SLC6A12: variants seen among roughly 807,000 people sequenced by gnomAD.
The protein encoded by SLC6A12 is sodium- and chloride-dependent betaine transporter.
A neutral mutation model predicts 73.3 loss-of-function variants in SLC6A12; 50 were observed. The observed-to-expected ratio is 0.68, with a 90% CI of 0.54 to 0.86. The LOEUF (loss-of-function observed/expected upper bound fraction) is 0.86, where lower values mean the gene tolerates loss of function less well. Among genes scored for constraint, SLC6A12 ranks in the 40% least tolerant of loss-of-function variants. SLC6A12 has a pLI of 0.00. For synonymous variants in SLC6A12, 304 were observed against 309.2 expected (o/e 0.98, Z 0.18); for missense variants, 648 against 772.8 (o/e 0.84, Z 1.92).
chr12:197,162 CAT>C (rs1565469103), intron 10 of SLC6A12, among the ~76,000 whole-genome samples: 1 of 4,520 alleles, frequency 2.2e-4, no homozygotes. Flanking sequence ...TCCATCCATC[CAT>C]CCATCCATCC....
chr12:202,757 T>C lies in SLC6A12; in HGVS notation c.473A>G (p.Asn158Ser), dbSNP rs996653152. 2 of 1,613,624 alleles carry C rather than the reference T, an allele frequency of 1.2e-6. No individual in the cohort carries two copies. Among genetic ancestry groups the C allele is most frequent in the Non-Finnish European group, 1.7e-6 (2 of 1,179,778 alleles). Residue 158 changes from asparagine to serine, a missense_variant, in exon 5 of 16, where the codon AAC becomes AGC. By Grantham distance (46) the Asn-to-Ser change is conservative. Transcript: ENST00000684302. ...FTSELPWTTC[N>S]NFWNTEHCTD... is the part of the protein sequence containing the mutation. ...ATGGATACCTGTGTTCCAAAAGTTG[T>C]TGCAGGTCGTCCAGGGCAGCTCAGA...
chr12:199,143 G>A, intron 7 of SLC6A12: 1 of 323,800 alleles, frequency 3.1e-6, no homozygotes, highest in Non-Finnish European at 6.1e-6. Context: ...TCAGCAGGGG[G>A]AGGGTGGGGA....
At chr12:205,683 A>C (rs1333089434) in intron 3 of SLC6A12, among the ~76,000 whole-genome samples, 1 of 152,264 alleles carries the variant, frequency 6.6e-6, no homozygotes, top group African/African-American at 2.4e-5. Flanking sequence ...AGAGGGAAAG[A>C]AAGGAAAAAT....
chr12:201,866 T>C lies in SLC6A12; in HGVS notation c.491-17A>G, dbSNP rs1356284620. On this transcript the variant is annotated splice_polypyrimidine_tract_variant and intron_variant, in intron 5 of 15. Coordinates refer to ENST00000684302, the MANE Select transcript of SLC6A12 (RefSeq NM_001122848.3). ...TGCAATGCTCTGTTGGGGACAAGGT[T>C]AGGGACAAGATGGAGAGAGATGCTC... The C allele has an allele frequency of 6.2e-7, 1 of 1,608,718 alleles. No homozygotes were observed. The highest frequency in any genetic ancestry group is 1.3e-5 in the African/African-American group (1 of 74,792).
At position 198,033 on chromosome 12, in the gene SLC6A12, G is replaced by A. The variant is rs768076082; in HGVS notation, c.847-30C>T. 15 of 1,590,604 alleles carry A rather than the reference G, an allele frequency of 9.4e-6. No homozygotes were observed. In the Admixed American group the frequency reaches 1.3e-4, roughly 14 times the overall value. ...ACAAAACCCCAAGAAAGAGGTAGAGGCAGCCCCCAGGGCCCAGAGCCAGGG... is the reference window on the plus strand; with the variant it reads ...ACAAAACCCCAAGAAAGAGGTAGAGACAGCCCCCAGGGCCCAGAGCCAGGG... On this transcript the variant is annotated intron_variant, in intron 8 of 15. Transcript: ENST00000684302. The surrounding 1 kb of genome is among the most constrained non-coding windows in gnomAD (Gnocchi z 4.0).
In SLC6A12 at chr12:198,152, G is replaced by C. The variant is rs1371081777; in HGVS notation, c.847-149C>G. 1 of 638,500 alleles carries C rather than the reference G, an allele frequency of 1.6e-6. No individual in the cohort carries two copies. Among genetic ancestry groups the C allele is most frequent in the Non-Finnish European group, 2.8e-6 (1 of 360,362 alleles). 39.6% of individuals were successfully genotyped at this position (638,500 alleles called of 1,614,324 possible). On this transcript the variant is annotated intron_variant, in intron 8 of 15. Coordinates refer to ENST00000684302, the MANE Select transcript of SLC6A12 (RefSeq NM_001122848.3). The surrounding 1 kb of genome is among the most constrained non-coding windows in gnomAD (Gnocchi z 4.0). ...TCCTGCATCCCAACTCTCCGTGAGT[G>C]CGCCCTCCGGTCTCCACGGTGATCT...
chr12:209,866 T>C lies in SLC6A12; in HGVS notation c.121A>G (p.Asn41Asp). The change falls in exon 3 of 16, where the codon AAC becomes GAC. Residue 41 changes from asparagine (N) to aspartate (D), a missense_variant. Asn to Asp is a conservative substitution (Grantham distance 23, BLOSUM62 1). Coordinates refer to ENST00000684302, the MANE Select transcript of SLC6A12 (RefSeq NM_001122848.3). ...ACTGACAGCACAAACTCCATCTTGT[T>C]GGTCCATTGGCCCCGATCCTTCACC... is the stretch of plus-strand genomic sequence containing the variant. ...DQVKDRGQWT[N>D]KMEFVLSVAG... is the part of the protein sequence containing the mutation. The C allele has an allele frequency of 6.2e-7, 1 of 1,614,210 alleles. No homozygotes were observed. Among genetic ancestry groups the C allele is most frequent in the Non-Finnish European group, 8.5e-7 (1 of 1,180,020 alleles).
intron 2 of SLC6A12, chr12:210,493 G>C: frequency 1.5e-6 from 1 of 687,818 alleles, no homozygotes; most frequent in Non-Finnish European, 1.8e-6. Flanking sequence ...TGACTGCATG[G>C]TTCTCTCCTA....
chr12:187,290 G>A (rs940652213), downstream of SLC6A12, among the ~76,000 whole-genome samples: 12 of 152,080 alleles, frequency 7.9e-5, no homozygotes, highest in African/African-American at 2.7e-4. Flanking sequence ...CACAGTGAGG[G>A]TTACAGTTCT....
intron 6 of SLC6A12, among the ~76,000 whole-genome samples, chr12:201,009 G>A (rs530844531): frequency 8.6e-5 from 13 of 152,012 alleles, no homozygotes; most frequent in African/African-American, 2.4e-4. Context: ...TTTTTTTCTC[G>A]TACAGAAAGA....
At chr12:184,737 A>G in the SLC6A12 span, among the ~76,000 whole-genome samples, 20 of 151,234 alleles carry the variant, frequency 1.3e-4, no homozygotes, top group African/African-American at 4.3e-4. Context: ...GCGACAGAGC[A>G]AGACTCCGTC....
intron 2 of SLC6A12, chr12:210,527 G>C (rs375665141): frequency 1.1e-5 from 4 of 360,264 alleles, no homozygotes; most frequent in Non-Finnish European, 7.8e-6. Context: ...TAAGGTGATC[G>C]ATCAGCTCAG....
rs762099531 is a variant in SLC6A12 at position 198,942 on chromosome 12, G to A, written c.712-11C>T. On this transcript the variant is annotated splice_polypyrimidine_tract_variant and intron_variant, in intron 7 of 15. Transcript: ENST00000684302. The surrounding 1 kb of genome is among the most constrained non-coding windows in gnomAD (Gnocchi z 4.0). The stretch of plus-strand genomic sequence containing the variant: ...TGTGAAATAAACCACCTGGAGGTGG[G>A]GGGACAGGCCAAGGTCACTCCTGGT... The A allele has an allele frequency of 2.5e-6, 4 of 1,613,740 alleles. No homozygotes were observed. The highest frequency in any genetic ancestry group is 2.2e-5 in the South Asian group (2 of 91,090).
At chr12:196,306 T>A in intron 11 of SLC6A12, 45 bp from the exon 12 acceptor site, 1 of 1,570,278 alleles carries the variant, frequency 6.4e-7, no homozygotes, top group Non-Finnish European at 8.6e-7. Context: ...TGGGGCGGGC[T>A]GTTGGCCACC....
At chr12:193,527 C>G in intron 13 of SLC6A12, 150 bp from the exon 14 acceptor site, 1 of 597,806 alleles carries the variant, frequency 1.7e-6, no homozygotes, top group Non-Finnish European at 3.0e-6. Context: ...AGACGCCTCC[C>G]TGACACCCTG....
downstream of SLC6A12, among the ~76,000 whole-genome samples, chr12:189,824 C>T (rs1680419065): frequency 8.2e-6 from 1 of 121,724 alleles, no homozygotes; most frequent in South Asian, 2.7e-4. Flanking sequence ...CTAAGGAGGG[C>T]ACCCCCACAC....
intron 4 of SLC6A12, chr12:203,328 C>CGGAGTAGCTGGGA: frequency 1.3e-5 from 2 of 156,110 alleles, no homozygotes; most frequent in South Asian, 2.0e-4. Context: ...CCTCAGCCTC[C>CGGAGTAGCTGGGA]CGAAGTGCTC....
chr12:187,426 C>T (rs2137091452), downstream of SLC6A12, among the ~76,000 whole-genome samples: 1 of 151,808 alleles, frequency 6.6e-6, no homozygotes, highest in African/African-American at 2.4e-5. Context: ...ATGAGTGCTA[C>T]AACTCTGAAG....
downstream of SLC6A12, among the ~76,000 whole-genome samples, chr12:188,695 A>G (rs1003815927): frequency 6.7e-6 from 1 of 148,928 alleles, no homozygotes; most frequent in Non-Finnish European, 1.5e-5. Flanking sequence ...ACACACACAC[A>G]GGCGCGTGAA....
Sources: gnomAD v4.1 joint callset for allele counts (sites outside exome capture counted in the v4.1 genomes callset) on GRCh38, gnomAD v4.1.1 for gene constraint, Gnocchi (gnomAD v3.1) non-coding constraint, MANE v1.5 for transcripts, NCBI Gene and HGNC (gene_info 2026-07-23, HGNC 2026-07-21) for gene names.